The following PTPN2 variants were observed in gnomAD, a reference collection of about 807,000 sequenced individuals.
The protein encoded by PTPN2 is tyrosine-protein phosphatase non-receptor type 2.
PTPN2 carries 19 observed loss-of-function variants against 57.3 expected under a neutral mutation model. That is an observed-to-expected ratio of 0.33 (90% CI 0.23 to 0.49). The LOEUF (loss-of-function observed/expected upper bound fraction) is 0.49, where lower values mean the gene tolerates loss of function less well. PTPN2 is among the 20% of genes least tolerant of loss of function. PTPN2 has a pLI of 0.99. For synonymous variants in PTPN2, 153 were observed against 164.9 expected, an observed-to-expected ratio of 0.93 and a Z score of 0.55; for missense variants, 358 against 501.1, an observed-to-expected ratio of 0.71 and a Z score of 2.73.
rs1285649715 is a variant in PTPN2 at position 12,870,413 on chromosome 18, ATG to A, written c.70-11161_70-11160del. Among the ~76,000 whole-genome samples the A allele has an allele frequency of 1.6e-4, 13 of 79,198 alleles. 1 individual carries two copies. The highest frequency in any genetic ancestry group is 2.1e-4 in the Non-Finnish European group (10 of 47,034). 52.0% of individuals were successfully genotyped at this position (79,198 alleles called of 152,430 possible). A position where few individuals can be genotyped will look rare whatever the true frequency, so the allele number is the denominator to read the frequency against. On this transcript the variant is annotated intron_variant, in intron 1 of 8. Transcript: ENST00000309660. Reference sequence around the variant, plus strand: ...TATATGTATATATACACGTATATATATGTATATATATACGTATATATATATGT... The same window carrying A: ...TATATGTATATATACACGTATATATATATATATATACGTATATATATATGT...
At chr18:12,877,637 A>T (rs1267808833) in intron 1 of PTPN2, among the ~76,000 whole-genome samples, 2 of 152,252 alleles carry the variant, frequency 1.3e-5, no homozygotes, top group African/African-American at 4.8e-5. Context: ...TGTGCACTTG[A>T]TATCTGACTT....
In PTPN2 at chr18:12,819,299, A is replaced by G. The variant is rs971668934; in HGVS notation, c.496-1934T>C. The G allele has an allele frequency of 4.1e-6, 5 of 1,214,656 alleles. No individual in the cohort carries two copies. The African/African-American group carries it at 4.7e-5, about 11-fold the overall frequency. 75.2% of individuals were successfully genotyped at this position (1,214,656 alleles called of 1,614,324 possible). On this transcript the variant is annotated intron_variant, in intron 5 of 8. Transcript: ENST00000309660. ...CTCAATATACTAAAAGCAATAAAAAATTTCTCCATTACAAATTAAAATGAT... is the reference window on the plus strand; with the variant it reads ...CTCAATATACTAAAAGCAATAAAAAGTTTCTCCATTACAAATTAAAATGAT...
intron 2 of PTPN2, among the ~76,000 whole-genome samples, chr18:12,842,422 A>G (rs1481839571): frequency 2.0e-5 from 3 of 152,198 alleles, no homozygotes; most frequent in African/African-American, 7.2e-5. Context: ...AATGCTAAGA[A>G]AAAAGAGTAA....
At chr18:12,840,882 C>A in intron 2 of PTPN2, 1 of 1,564,886 alleles carries the variant, frequency 6.4e-7, no homozygotes. Context: ...TGTGCCGATG[C>A]AGTCCATGAC....
intron 2 of PTPN2, among the ~76,000 whole-genome samples, chr18:12,855,982 G>A (rs1200311716): frequency 6.6e-6 from 1 of 152,214 alleles, no homozygotes; most frequent in Non-Finnish European, 1.5e-5. Context: ...AAGTCAAAGA[G>A]CAGGTACAGT....
Position 12,884,057 on chromosome 18 carries a change from T to C in PTPN2, c.69+16A>G. 1 of 1,563,254 alleles carries C rather than the reference T, an allele frequency of 6.4e-7. No homozygotes were observed. The highest frequency in any genetic ancestry group is 8.7e-7 in the Non-Finnish European group (1 of 1,155,888). ...TCGGAGGAGGTCGGCGACTGCCGCGTGGGTCCGCGACTCACCAAGTACAGC... is the reference window on the plus strand; with the variant it reads ...TCGGAGGAGGTCGGCGACTGCCGCGCGGGTCCGCGACTCACCAAGTACAGC... On this transcript the variant is annotated intron_variant, in intron 1 of 8. Transcript: ENST00000309660.
intron 7 of PTPN2, among the ~76,000 whole-genome samples, chr18:12,808,401 C>T (rs1488611018): frequency 4.6e-5 from 7 of 152,152 alleles, no homozygotes; most frequent in African/African-American, 9.7e-5. Context: ...AGGTGATAGA[C>T]GTGCTAGTCT....
intron 4 of PTPN2, 36 bp downstream of exon 4, chr18:12,830,907 C>G: frequency 7.0e-7 from 1 of 1,435,040 alleles, no homozygotes; most frequent in Non-Finnish European, 9.8e-7. Flanking sequence ...TGATCACATA[C>G]AGTATACTAA....
chr18:12,877,957 G>T, intron 1 of PTPN2, among the ~76,000 whole-genome samples: 1 of 152,118 alleles, frequency 6.6e-6, no homozygotes, highest in Non-Finnish European at 1.5e-5. Context: ...GTGAACCTGG[G>T]AGGCAGAGCT....
intron 4 of PTPN2, among the ~76,000 whole-genome samples, chr18:12,828,243 C>A (rs2042546601): frequency 6.6e-6 from 1 of 152,196 alleles, no homozygotes; most frequent in African/African-American, 2.4e-5. Flanking sequence ...ATAATGCTCA[C>A]AAGTCCCTCC....
chr18:12,874,999 G>A (rs1315760189), intron 1 of PTPN2, among the ~76,000 whole-genome samples: 2 of 152,114 alleles, frequency 1.3e-5, no homozygotes, highest in Non-Finnish European at 2.9e-5. Context: ...GTTGATCTGT[G>A]ACCTTACCCC....
chr18:12,819,164 GTA>G (rs1027705617), intron 5 of PTPN2: 2 of 828,638 alleles, frequency 2.4e-6, no homozygotes, highest in Non-Finnish European at 3.6e-6. Flanking sequence ...AGTATATAAG[GTA>G]TAATACTAAT....
At chr18:12,849,384 C>A (rs534548624) in intron 2 of PTPN2, among the ~76,000 whole-genome samples, 1 of 152,178 alleles carries the variant, frequency 6.6e-6, no homozygotes, top group Admixed American at 6.5e-5. Flanking sequence ...CATGGTGAAA[C>A]CCCATCTCTA....
chr18:12,883,898 A>T, intron 1 of PTPN2, 175 bp downstream of exon 1: 4 of 483,672 alleles, frequency 8.3e-6, no homozygotes, highest in Non-Finnish European at 1.4e-5. Context: ...TTAAACCAAA[A>T]GGAGCAAGAG....
chr18:12,794,352 T>C lies in PTPN2; in HGVS notation c.1174A>G (p.Met392Val), dbSNP rs1450842484. The change falls in exon 9 of 9, where the codon ATG becomes GTG. Residue 392 changes from methionine to valine, a missense_variant. Physicochemically the swap from Met to Val is conservative, Grantham distance 21. Transcript: ENST00000309660. ...WLYWQPILTK[M>V]GFMSVILVGA... ...ACCAAAATGACTGACATAAACCCCA[T>C]CTTAGTGAGAATAGGTTGCCAATAT... is the stretch of plus-strand genomic sequence containing the variant. 6.2e-7 allele frequency: 1 copy of C among 1,614,090 alleles called. No homozygotes were observed. Among genetic ancestry groups the C allele is most frequent in the Non-Finnish European group, 8.5e-7 (1 of 1,180,034 alleles).
intron 7 of PTPN2, among the ~76,000 whole-genome samples, chr18:12,807,585 A>AAAAAAAAC (rs2041714783): frequency 1.3e-5 from 1 of 79,420 alleles, no homozygotes; most frequent in African/African-American, 3.8e-5. Context: ...AAAAAAAAAA[A>AAAAAAAAC]AATATATATA....
chr18:12,814,001 T>C (rs2041981103), intron 7 of PTPN2, among the ~76,000 whole-genome samples: 1 of 152,172 alleles, frequency 6.6e-6, no homozygotes, highest in African/African-American at 2.4e-5. Context: ...GGCTTTTAAG[T>C]AACACACAGG....
Position 12,825,891 on chromosome 18 carries a change from T to C in PTPN2, c.414A>G (p.Glu138=). Residue 138 remains glutamate (E), a synonymous_variant, in exon 5 of 9, where the codon GAA becomes GAG. Coordinates refer to ENST00000309660, the MANE Select transcript of PTPN2 (RefSeq NM_002828.4). ...PTDDQEMLFK[E]TGFSVKLLSE... is the part of the protein sequence containing the mutation. ...ACAAGAGCTTCACACTGAATCCTGT[T>C]TCTTTAAACAGCATCTCTTGGTCAT... 1 of 1,611,402 alleles carries C rather than the reference T, an allele frequency of 6.2e-7. No homozygotes were observed. The highest frequency in any genetic ancestry group is 8.5e-7 in the Non-Finnish European group (1 of 1,178,138).
chr18:12,877,357 T>G (rs950365760), intron 1 of PTPN2, among the ~76,000 whole-genome samples: 3 of 152,150 alleles, frequency 2.0e-5, no homozygotes, highest in Non-Finnish European at 4.4e-5. Context: ...AGCATTTAAC[T>G]TTGCCCAAGG....
Sources: allele counts gnomAD v4.1 joint callset (sites outside exome capture counted in the v4.1 genomes callset), GRCh38; gene constraint gnomAD v4.1.1; transcripts MANE v1.5; gene names NCBI Gene and HGNC (gene_info 2026-07-23, HGNC 2026-07-21).